SUCLG2: variants seen among roughly 807,000 people sequenced by gnomAD.
SUCLG2 encodes succinate-CoA ligase GDP-forming subunit beta, also known as succinate--CoA ligase [GDP-forming] subunit beta, mitochondrial.
In SUCLG2, 42 loss-of-function variants were observed where a neutral mutation model predicts 47.9. The observed-to-expected ratio is 0.88, with a 90% CI of 0.69 to 1.14. The LOEUF (loss-of-function observed/expected upper bound fraction) is 1.14, where lower values mean the gene tolerates loss of function less well. Ranked by LOEUF, SUCLG2 falls within the 50% of genes most tolerant of loss-of-function variation. SUCLG2 has a pLI of 0.00. For missense variants in SUCLG2, 571 were observed against 525.9 expected (o/e 1.09, Z -0.84); for synonymous variants, 195 against 197.3 (o/e 0.99, Z 0.10).
At chr3:67,581,656 C>A (rs916823041) in intron 2 of SUCLG2, among the ~76,000 whole-genome samples, 1 of 152,100 alleles carries the variant, frequency 6.6e-6, no homozygotes, top group Non-Finnish European at 1.5e-5. Flanking sequence ...AAAACAAAGA[C>A]AAAAGAATGC....
chr3:67,607,948 A>G (rs903435557), intron 2 of SUCLG2, among the ~76,000 whole-genome samples: 1 of 152,170 alleles, frequency 6.6e-6, no homozygotes, highest in Admixed American at 6.5e-5. Context: ...TCTTTCCTTT[A>G]TAAATCACCC....
At chr3:67,459,845 A>G (rs1303241809) in intron 9 of SUCLG2, among the ~76,000 whole-genome samples, 2 of 152,170 alleles carry the variant, frequency 1.3e-5, no homozygotes, top group African/African-American at 2.4e-5. Context: ...ATGCAATGGT[A>G]CCGTTCTAAG....
intron 2 of SUCLG2, among the ~76,000 whole-genome samples, chr3:67,591,554 T>G (rs1268052303): frequency 6.6e-6 from 1 of 152,188 alleles, no homozygotes; most frequent in East Asian, 1.9e-4. Context: ...CAAGATCTGA[T>G]GGGTTTATCA....
intron 9 of SUCLG2, among the ~76,000 whole-genome samples, chr3:67,437,846 T>A (rs905490408): frequency 2.6e-5 from 4 of 152,142 alleles, no homozygotes; most frequent in Non-Finnish European, 5.9e-5. Flanking sequence ...ACTTTCCCAC[T>A]TTATGGAACA....
At chr3:67,432,595 C>CT (rs1243044498) in intron 9 of SUCLG2, among the ~76,000 whole-genome samples, 4 of 152,160 alleles carry the variant, frequency 2.6e-5, no homozygotes, top group Non-Finnish European at 5.9e-5. Flanking sequence ...CCTGCCTATC[C>CT]TTAGAAGCTT....
chr3:67,376,016 T>C, intron 10 of SUCLG2, 157 bp from the exon 11 acceptor site: 1 of 985,424 alleles, frequency 1.0e-6, no homozygotes. Context: ...AAAGATTATG[T>C]GATGAAATTT....
At chr3:67,552,187 A>G (rs1414397652) in intron 2 of SUCLG2, among the ~76,000 whole-genome samples, 3 of 151,506 alleles carry the variant, frequency 2.0e-5, no homozygotes, top group South Asian at 2.1e-4. Flanking sequence ...AAAAAAAAAA[A>G]AAAAAGAAAA....
intron 10 of SUCLG2, among the ~76,000 whole-genome samples, chr3:67,387,073 G>A (rs534406416): frequency 2.0e-5 from 3 of 152,118 alleles, no homozygotes; most frequent in South Asian, 2.1e-4. Flanking sequence ...TGCACAATAT[G>A]GACTTAATAG....
At chr3:67,464,894 A>T (rs1437747430) in intron 9 of SUCLG2, among the ~76,000 whole-genome samples, 1 of 152,206 alleles carries the variant, frequency 6.6e-6, no homozygotes, top group Non-Finnish European at 1.5e-5. Context: ...ATGGTGCTAA[A>T]ACTCAAAGAG....
intron 9 of SUCLG2, among the ~76,000 whole-genome samples, chr3:67,480,297 T>C (rs1336268320): frequency 6.6e-6 from 1 of 152,222 alleles, no homozygotes; most frequent in Admixed American, 6.5e-5. Flanking sequence ...GCTATAGAGC[T>C]GTAGTAGACA....
At chr3:67,579,788 G>A (rs1248901318) in intron 2 of SUCLG2, among the ~76,000 whole-genome samples, 2 of 152,128 alleles carry the variant, frequency 1.3e-5, no homozygotes, top group African/African-American at 4.8e-5. Flanking sequence ...AAGATACTAC[G>A]ATGTTATCCT....
At chr3:67,401,830 G>T (rs564186915) in intron 9 of SUCLG2, among the ~76,000 whole-genome samples, 13 of 152,278 alleles carry the variant, frequency 8.5e-5, no homozygotes, top group Admixed American at 2.0e-4. Context: ...ATTTCTGTCT[G>T]TTAAATTACC....
chr3:67,485,325 C>A (rs981709059), intron 9 of SUCLG2, among the ~76,000 whole-genome samples: 18 of 152,082 alleles, frequency 1.2e-4, no homozygotes, highest in African/African-American at 4.1e-4. Flanking sequence ...CAAAGCTTTT[C>A]TTTTTCTTTC....
chr3:67,393,842 G>GACA (rs1302342224), intron 10 of SUCLG2, among the ~76,000 whole-genome samples: 12 of 152,138 alleles, frequency 7.9e-5, no homozygotes, highest in Admixed American at 2.0e-4. Context: ...GGAACGATCA[G>GACA]ACAGCAGCAT....
intron 2 of SUCLG2, among the ~76,000 whole-genome samples, chr3:67,586,377 AT>A (rs1708020148): frequency 1.3e-5 from 2 of 152,134 alleles, no homozygotes; most frequent in Non-Finnish European, 2.9e-5. Context: ...ATGGGACAAA[AT>A]TTTCTTTTTG....
chr3:67,634,269 A>G (rs915416250), intron 1 of SUCLG2, among the ~76,000 whole-genome samples: 15 of 152,118 alleles, frequency 9.9e-5, no homozygotes, highest in African/African-American at 3.6e-4. Context: ...TACCATCACC[A>G]AGGTTACTAT....
chr3:67,601,201 C>G (rs1708410556), intron 2 of SUCLG2, among the ~76,000 whole-genome samples: 3 of 152,096 alleles, frequency 2.0e-5, no homozygotes, highest in Admixed American at 6.6e-5. Flanking sequence ...TCAATGATGT[C>G]ATATACATAT....
At chr3:67,404,987 T>G (rs1702769569) in intron 9 of SUCLG2, among the ~76,000 whole-genome samples, 1 of 151,614 alleles carries the variant, frequency 6.6e-6, no homozygotes, top group Non-Finnish European at 1.5e-5. Flanking sequence ...TTTTTTTTTT[T>G]TTAAGAATTC....
intron 2 of SUCLG2, among the ~76,000 whole-genome samples, chr3:67,565,888 C>G (rs1559574893): frequency 6.6e-6 from 1 of 152,218 alleles, no homozygotes; most frequent in Admixed American, 6.5e-5. Context: ...TTCCACAAGG[C>G]AGATTCACTG....
Sources: gnomAD v4.1 joint callset for allele counts (sites outside exome capture counted in the v4.1 genomes callset) on GRCh38, gnomAD v4.1.1 for gene constraint, MANE v1.5 for transcripts, NCBI Gene and HGNC (gene_info 2026-07-23, HGNC 2026-07-21) for gene names.